Variants in TMEM116 observed in about 807,000 individuals in gnomAD.
TMEM116 encodes the protein transmembrane protein 116.
TMEM116 carries 38 observed loss-of-function variants against 44.3 expected under a neutral mutation model. The observed-to-expected ratio is 0.86, with a 90% CI of 0.66 to 1.12. TMEM116 has a LOEUF of 1.12. Ranked by LOEUF, TMEM116 falls within the 50% of genes most tolerant of loss-of-function variation. TMEM116 has a pLI of 0.00. For missense variants in TMEM116, 354 were observed against 401.7 expected (o/e 0.88, Z 1.01); for synonymous variants, 132 against 144.8 (o/e 0.91, Z 0.64).
At chr12:111,938,131 C>A (rs768281243) in intron 6 of TMEM116, 30 bp downstream of exon 6, 1 of 1,525,804 alleles carries the variant, frequency 6.6e-7, no homozygotes, top group Middle Eastern at 1.7e-4. Context: ...AGAGTCTACA[C>A]CTCGCTAAGA....
intron 2 of TMEM116, among the ~76,000 whole-genome samples, chr12:112,004,861 G>A (rs922109376): frequency 4.6e-5 from 7 of 152,030 alleles, no homozygotes; most frequent in African/African-American, 1.7e-4. Flanking sequence ...TGTTGCCCAG[G>A]ATGGTCTCAA....
At chr12:111,933,498 T>C (rs2071834648) in intron 9 of TMEM116, among the ~76,000 whole-genome samples, 1 of 149,690 alleles carries the variant, frequency 6.7e-6, no homozygotes, top group Non-Finnish European at 1.5e-5. Flanking sequence ...TCTTTTTTTT[T>C]TTTTTTTTGA....
intron 4 of TMEM116, among the ~76,000 whole-genome samples, chr12:111,972,076 G>GAAAAA (rs762088997): frequency 2.0e-3 from 117 of 57,414 alleles, no homozygotes; most frequent in African/African-American, 6.6e-3. Context: ...CCCTATCTGT[G>GAAAAA]AAAAAAAAAA....
intron 4 of TMEM116, among the ~76,000 whole-genome samples, chr12:111,981,974 TA>T (rs1433756957): frequency 6.6e-6 from 1 of 152,122 alleles, no homozygotes; most frequent in Non-Finnish European, 1.5e-5. Flanking sequence ...TGTGAAATTA[TA>T]AAAAGTTGAA....
intron 4 of TMEM116, among the ~76,000 whole-genome samples, chr12:111,973,355 C>T (rs928949067): frequency 6.6e-6 from 1 of 152,012 alleles, no homozygotes; most frequent in African/African-American, 2.4e-5. Context: ...AATTTTAAAA[C>T]AACATATTAG....
At chr12:111,990,940 G>T (rs1229638347) in intron 4 of TMEM116, among the ~76,000 whole-genome samples, 1 of 152,118 alleles carries the variant, frequency 6.6e-6, no homozygotes, top group Non-Finnish European at 1.5e-5. Flanking sequence ...GTATTCATTG[G>T]CTGGGCACGG....
chr12:111,989,684 C>T (rs1271863010), intron 4 of TMEM116, among the ~76,000 whole-genome samples: 1 of 152,168 alleles, frequency 6.6e-6, no homozygotes, highest in African/African-American at 2.4e-5. Flanking sequence ...GTGACCCACT[C>T]TCATGGGAAA....
chr12:111,968,046 T>C (rs139559854), intron 4 of TMEM116, among the ~76,000 whole-genome samples: 82 of 151,232 alleles, frequency 5.4e-4, no homozygotes, highest in African/African-American at 1.9e-3. Context: ...CTAGAATTCA[T>C]TGGAAAGGGT....
intron 4 of TMEM116, among the ~76,000 whole-genome samples, chr12:111,979,881 C>T (rs1424050478): frequency 6.6e-6 from 1 of 152,134 alleles, no homozygotes; most frequent in Non-Finnish European, 1.5e-5. Flanking sequence ...TACAACAAGA[C>T]ACCAATACAT....
chr12:111,944,980 C>G (rs1046874578), intron 4 of TMEM116, among the ~76,000 whole-genome samples: 16 of 149,986 alleles, frequency 1.1e-4, no homozygotes, highest in Admixed American at 3.4e-4. Context: ...GAGCCTGAGG[C>G]AGGCAAATCA....
chr12:111,969,148 C>T (rs1374159593), intron 4 of TMEM116, among the ~76,000 whole-genome samples: 1 of 151,338 alleles, frequency 6.6e-6, no homozygotes, highest in Non-Finnish European at 1.5e-5. Context: ...TGGAGAAATC[C>T]CGTCTCTACT....
At chr12:111,972,477 C>T (rs1328033197) in intron 4 of TMEM116, among the ~76,000 whole-genome samples, 1 of 152,164 alleles carries the variant, frequency 6.6e-6, no homozygotes, top group Non-Finnish European at 1.5e-5. Flanking sequence ...TATCAACCAA[C>T]TTGACAGAAT....
At chr12:111,977,971 A>G (rs544542405) in intron 4 of TMEM116, among the ~76,000 whole-genome samples, 16 of 152,158 alleles carry the variant, frequency 1.1e-4, no homozygotes, top group Admixed American at 7.2e-4. Flanking sequence ...AAAACCAGAA[A>G]AAGAAAAAAA....
rs747294717 is a variant in TMEM116, at chr12:111,938,124, G to A, written c.365+37C>T. 6 of 1,468,842 alleles carry A rather than the reference G, an allele frequency of 4.1e-6. No individual in the cohort carries two copies. In the Admixed American group the frequency reaches 9.4e-5, roughly 23 times the overall value. The allele number at this position is 1,468,842 out of a possible 1,614,324, so 91.0% of individuals were successfully genotyped here. A position where few individuals can be genotyped will look rare whatever the true frequency, so the allele number is the denominator to read the frequency against. ...CCACCTGAACACCAGAATAATGAGAGTCTACACCTCGCTAAGAAGTAAAGA... is the reference window on the plus strand; with the variant it reads ...CCACCTGAACACCAGAATAATGAGAATCTACACCTCGCTAAGAAGTAAAGA... On this transcript the variant is annotated intron_variant, in intron 6 of 10. Coordinates refer to ENST00000552374, the MANE Select transcript of TMEM116 (RefSeq NM_001193531.2).
chr12:112,005,080 T>G (rs1011373132), intron 2 of TMEM116, among the ~76,000 whole-genome samples, 177 bp downstream of exon 2: 7 of 152,252 alleles, frequency 4.6e-5, no homozygotes, highest in African/African-American at 1.7e-4. Context: ...CAATTTTTTG[T>G]TGTTATTGTT....
chr12:111,992,074 T>C (rs919189061), intron 3 of TMEM116, among the ~76,000 whole-genome samples, 185 bp from the exon 4 acceptor site: 1 of 152,148 alleles, frequency 6.6e-6, no homozygotes, highest in African/African-American at 2.4e-5. Flanking sequence ...ATAACCACTA[T>C]AACCACAGTT....
At chr12:111,943,649 C>T (rs567429944) in intron 4 of TMEM116, among the ~76,000 whole-genome samples, 1 of 152,304 alleles carries the variant, frequency 6.6e-6, no homozygotes, top group African/African-American at 2.4e-5. Flanking sequence ...ATTCTCCTGC[C>T]TCAGCCTCCC....
At chr12:111,998,330 G>A (rs1464224581) in intron 3 of TMEM116, among the ~76,000 whole-genome samples, 2 of 152,218 alleles carry the variant, frequency 1.3e-5, no homozygotes, top group African/African-American at 4.8e-5. Flanking sequence ...CTGGGCTTGT[G>A]AAAATATTAA....
chr12:112,002,061 T>C (rs1801039761), intron 3 of TMEM116, among the ~76,000 whole-genome samples: 1 of 152,170 alleles, frequency 6.6e-6, no homozygotes, highest in African/African-American at 2.4e-5. Flanking sequence ...TTTTTAAGGA[T>C]TAAATGAAAA....
Sources: gnomAD v4.1 joint callset for allele counts (sites outside exome capture counted in the v4.1 genomes callset) on GRCh38, gnomAD v4.1.1 for gene constraint, MANE v1.5 for transcripts, NCBI Gene and HGNC (gene_info 2026-07-23, HGNC 2026-07-21) for gene names.